The following FHL1 variants were observed in gnomAD, a reference collection of about 807,000 sequenced individuals.
FHL1 encodes the protein four and a half LIM domains 1, also known as four and a half LIM domains protein 1.
FHL1 carries 1 observed loss-of-function variant against 20.3 expected under a neutral mutation model. The ratio of observed to expected loss-of-function variants is 0.05; its 90% CI spans 0.02 to 0.23. FHL1 has a LOEUF of 0.23. FHL1 is among the 10% of genes least tolerant of loss of function. FHL1 has a pLI of 1.00. For synonymous variants in FHL1, 82 were observed against 88.9 expected, an observed-to-expected ratio of 0.92 and a Z score of 0.44; for missense variants, 177 against 234.0, an observed-to-expected ratio of 0.76 and a Z score of 1.59.
upstream of FHL1, chrX:136,147,295 T>G (rs2072118408): frequency 1.1e-5 from 1 of 94,059 alleles, no homozygotes. Flanking sequence ...GCGGGGTGCG[T>G]GGCAAGCCGC....
intron 2 of FHL1, among the ~76,000 whole-genome samples, chrX:136,174,709 G>A (rs1195755922): frequency 9.0e-6 from 1 of 111,713 alleles, no homozygotes. Context: ...TTTCAATACA[G>A]TATAGCACAT....
At chrX:136,158,466 C>A (rs1028874708) in intron 1 of FHL1, among the ~76,000 whole-genome samples, 7 of 111,582 alleles carry the variant, frequency 6.3e-5, no homozygotes, top group Non-Finnish European at 1.3e-4. Context: ...TCTGCCCTAT[C>A]TTCCTTCCCT....
At chrX:136,155,377 G>T (rs2072387021) in intron 1 of FHL1, among the ~76,000 whole-genome samples, 1 of 112,137 alleles carries the variant, frequency 8.9e-6, no homozygotes, top group Admixed American at 9.5e-5. Context: ...AAATGTCATT[G>T]ACAGAATAGG....
chrX:136,181,789 T>A (rs960568917), intron 2 of FHL1, among the ~76,000 whole-genome samples: 2 of 112,462 alleles, frequency 1.8e-5, no homozygotes, highest in African/African-American at 6.5e-5. Context: ...TGGCCATCTT[T>A]ATCCCCATCA....
At position 136,204,527 on chromosome X, in the gene FHL1, G is replaced by A. The variant is rs183968396; in HGVS notation, c.23-1880G>A. 7.1e-5 allele frequency among the ~76,000 whole-genome samples: 8 copies of A among 112,479 alleles called. No individual in the cohort carries two copies. In the East Asian group the frequency reaches 2.2e-3, roughly 31 times the overall value. On this transcript the variant is annotated intron_variant, in intron 1 of 5. Coordinates refer to ENST00000370683, the MANE Select transcript of FHL1 (RefSeq NM_001159699.2). The stretch of plus-strand genomic sequence containing the variant: ...ATTATATAAAGAAACATCCCAGTTT[G>A]CTTTTTAGAGAAAAGTTCAAGTTAG...
intron 2 of FHL1, among the ~76,000 whole-genome samples, chrX:136,180,362 T>A (rs2073123155): frequency 8.9e-6 from 1 of 112,019 alleles, no homozygotes; most frequent in South Asian, 3.7e-4. Flanking sequence ...TTAGCTACTA[T>A]AAAGGGAGGA....
At chrX:136,188,786 G>A (rs1468867227) in intron 2 of FHL1, among the ~76,000 whole-genome samples, 1 of 110,792 alleles carries the variant, frequency 9.0e-6, no homozygotes, top group East Asian at 2.8e-4. Flanking sequence ...GGTAGATGGT[G>A]CATATTTTGG....
chrX:136,194,921 A>G (rs746223798), upstream of FHL1, among the ~76,000 whole-genome samples: 116 of 111,456 alleles, frequency 1.0e-3, 1 homozygote, highest in Non-Finnish European at 1.2e-3. Flanking sequence ...GTCATGCTTC[A>G]TGAAGTTTTT....
chrX:136,209,785 T>C (rs1460934317), intron 5 of FHL1, 86 bp from the exon 6 acceptor site: 5 of 1,081,546 alleles, frequency 4.6e-6, no homozygotes, highest in Non-Finnish European at 6.3e-6. Context: ...GGTCGTCATT[T>C]TATCTCTCTG....
upstream of FHL1, chrX:136,147,113 C>T (rs992596610): frequency 4.2e-5 from 10 of 239,607 alleles, no homozygotes; most frequent in African/African-American, 2.3e-4. Context: ...TCGTGACTCC[C>T]GCAGGCCTCT....
intron 1 of FHL1, among the ~76,000 whole-genome samples, chrX:136,155,529 G>C (rs1012002882): frequency 8.9e-6 from 1 of 111,852 alleles, no homozygotes; most frequent in Non-Finnish European, 1.9e-5. Context: ...CTATTGCCGA[G>C]GGCTTACTAT....
At chrX:136,207,758 G>A (rs1415709580) in intron 3 of FHL1, 34 bp from the exon 4 acceptor site, 3 of 1,205,796 alleles carry the variant, frequency 2.5e-6, no homozygotes, top group Non-Finnish European at 2.2e-6. Context: ...TGCAGAGCCT[G>A]TCAGTGGGGC....
chrX:136,158,621 G>A (rs1485883796), intron 1 of FHL1, among the ~76,000 whole-genome samples: 1 of 111,162 alleles, frequency 9.0e-6, no homozygotes, highest in Non-Finnish European at 1.9e-5. Flanking sequence ...GCATCTTGGA[G>A]GCTGTTTCTC....
Position 136,210,369 on chromosome X carries a change from C to G in FHL1, c.*344C>G. 2 of 402,771 alleles carry G rather than the reference C, an allele frequency of 5.0e-6. No homozygotes were observed. The highest frequency in any genetic ancestry group is 9.3e-6 in the Non-Finnish European group (2 of 216,087). The allele number at this position is 402,771 out of a possible 1,213,427, so 33.2% of individuals were successfully genotyped here. On this transcript the variant is annotated 3_prime_UTR_variant, in exon 6 of 6. Coordinates refer to ENST00000370683, the MANE Select transcript of FHL1 (RefSeq NM_001159699.2). ...AGCAAGAAGCATAGGAGATAAAACC[C>G]CCACTGAGATGCCTCTCATGCCTCA...
intron 1 of FHL1, among the ~76,000 whole-genome samples, chrX:136,157,788 A>G (rs2072461510): frequency 8.9e-6 from 1 of 112,054 alleles, no homozygotes; most frequent in African/African-American, 3.2e-5. Context: ...CTACAGAGAA[A>G]TTCTAGGTAT....
intron 1 of FHL1, among the ~76,000 whole-genome samples, chrX:136,199,109 T>G (rs1197502252): frequency 1.8e-5 from 2 of 111,512 alleles, no homozygotes; most frequent in Non-Finnish European, 3.8e-5. Context: ...TGCTGCCGGG[T>G]CAGAAATGCT....
chrX:136,181,318 C>T (rs775365744), intron 2 of FHL1, among the ~76,000 whole-genome samples: 4 of 111,274 alleles, frequency 3.6e-5, no homozygotes, highest in Admixed American at 9.6e-5. Context: ...TGCAAACAGA[C>T]GAGTATCTGC....
intron 1 of FHL1, among the ~76,000 whole-genome samples, chrX:136,201,144 A>G (rs2073697739): frequency 8.9e-6 from 1 of 112,290 alleles, no homozygotes; most frequent in African/African-American, 3.2e-5. Context: ...AGCCTGGGTG[A>G]CAAAGTGAGA....
At chrX:136,158,327 G>C in intron 1 of FHL1, among the ~76,000 whole-genome samples, 1 of 111,934 alleles carries the variant, frequency 8.9e-6, no homozygotes, top group East Asian at 2.8e-4. Flanking sequence ...CATTGAGATG[G>C]AGTTTGTCCC....
Sources: gnomAD v4.1 joint callset for allele counts (sites outside exome capture counted in the v4.1 genomes callset) on GRCh38, gnomAD v4.1.1 for gene constraint, MANE v1.5 for transcripts, NCBI Gene and HGNC (gene_info 2026-07-23, HGNC 2026-07-21) for gene names.